The following GPR55 variants were observed in gnomAD, a reference collection of about 807,000 sequenced individuals.
GPR55 encodes G-protein coupled receptor 55.
GPR55 carries 6 observed loss-of-function variants against 7.9 expected under a neutral mutation model. That is an observed-to-expected ratio of 0.76 (90% confidence interval 0.41 to 1.49). GPR55 has a LOEUF of 1.49. GPR55 is among the 40% of genes most tolerant of loss of function. The pLI is 0.01. For synonymous variants in GPR55, 183 were observed against 166.8 expected (o/e 1.10, Z -0.75); for missense variants, 376 against 406.0 (o/e 0.93, Z 0.63).
intron 1 of GPR55, among the ~76,000 whole-genome samples, chr2:230,932,566 T>C (rs903409121): frequency 1.3e-5 from 2 of 152,332 alleles, no homozygotes; most frequent in African/African-American, 4.8e-5. Context: ...AATGTTTATA[T>C]GATAAAGGTA....
At chr2:230,911,231 A>C in intron 1 of GPR55, 135 bp from the exon 2 acceptor site, 1 of 456,840 alleles carries the variant, frequency 2.2e-6, no homozygotes, top group East Asian at 3.6e-5. Context: ...TGACAAATAT[A>C]GAACCTGCTG....
In GPR55 at chr2:230,925,195, G is replaced by A. The variant is rs1232879028; in HGVS notation, c.-162C>T. 1 of 152,684 alleles carries A rather than the reference G, an allele frequency of 6.5e-6. No homozygotes were observed. The highest frequency in any genetic ancestry group is 1.5e-5 in the Non-Finnish European group (1 of 68,100). 9.5% of individuals were successfully genotyped at this position (152,684 alleles called of 1,614,324 possible). ...GTTGGTGGTCCGGTGCAGCTGAGAG[G>A]GCTGAGAGATGTCATTTCTCCTCCA... On this transcript the variant is annotated 5_prime_UTR_variant, in exon 1 of 2. Transcript: ENST00000650999.
intron 1 of GPR55, among the ~76,000 whole-genome samples, chr2:230,939,741 G>A (rs760234089): frequency 1.2e-4 from 19 of 152,270 alleles, no homozygotes; most frequent in Middle Eastern, 6.8e-3. Flanking sequence ...CAAGGAGCCC[G>A]GGTAGAACCA....
intron 1 of GPR55, among the ~76,000 whole-genome samples, chr2:230,922,127 G>A (rs919457266): frequency 9.2e-5 from 14 of 152,210 alleles, no homozygotes; most frequent in Non-Finnish European, 1.8e-4. Context: ...GCACACAGCC[G>A]TGTCTTACTG....
rs1172372463 is a variant in GPR55, at chr2:230,910,550, A to G, written c.413T>C (p.Ile138Thr). Residue 138 changes from isoleucine to threonine, a missense_variant, in exon 2 of 2, where the codon ATC becomes ACC. Coordinates refer to ENST00000650999, the MANE Select transcript of GPR55 (RefSeq NM_005683.4). The surrounding 1 kb of genome is among the most constrained non-coding windows in gnomAD (Gnocchi z 5.4). ...CCAGATGGTGCAGCAGATCCCAAAG[A>G]TCTTCCTGGGGGACCGGAGGTGGCT... ...LVSHLRSPRKIFGICCTIWVL... is the reference protein window; with the variant it reads ...LVSHLRSPRKTFGICCTIWVL... 3 of 1,613,886 alleles carry G rather than the reference A, an allele frequency of 1.9e-6. No homozygotes were observed. Among genetic ancestry groups the G allele is most frequent in the Non-Finnish European group, 2.5e-6 (3 of 1,179,898 alleles).
intron 1 of GPR55, among the ~76,000 whole-genome samples, chr2:230,940,241 G>A (rs1691204677): frequency 1.3e-5 from 2 of 152,110 alleles, no homozygotes; most frequent in African/African-American, 4.8e-5. Flanking sequence ...GTCTCAGTGG[G>A]GGCGGCGCTT....
At chr2:230,932,634 C>T (rs1258717139) in intron 1 of GPR55, among the ~76,000 whole-genome samples, 2 of 152,174 alleles carry the variant, frequency 1.3e-5, no homozygotes, top group African/African-American at 4.8e-5. Flanking sequence ...ACGTGGGGCT[C>T]GAAACTGGCC....
intron 1 of GPR55, among the ~76,000 whole-genome samples, chr2:230,940,558 G>C (rs1691210010): frequency 6.6e-6 from 1 of 152,196 alleles, no homozygotes; most frequent in Admixed American, 6.5e-5. Context: ...GCTTAGGGAG[G>C]AGCCAGTCCA....
At chr2:230,916,217 G>GAAA (rs1053229361) in intron 1 of GPR55, among the ~76,000 whole-genome samples, 1 of 151,088 alleles carries the variant, frequency 6.6e-6, no homozygotes, top group Non-Finnish European at 1.5e-5. Context: ...CTCCAAAAAA[G>GAAA]AAAAAAAAAT....
intron 1 of GPR55, among the ~76,000 whole-genome samples, chr2:230,948,678 C>T (rs887059525): frequency 5.3e-5 from 8 of 152,236 alleles, no homozygotes; most frequent in African/African-American, 1.9e-4. Context: ...CCTTTTAAAC[C>T]ACATAATATT....
chr2:230,925,156 A>G lies in GPR55; in HGVS notation c.-135+12T>C, dbSNP rs1046388507. On this transcript the variant is annotated intron_variant, in intron 1 of 1. Coordinates refer to ENST00000650999, the MANE Select transcript of GPR55 (RefSeq NM_005683.4). ...GTGCCTTAGTTTCTCTAAATGGCCC[A>G]GAGGCTGTTACCTGTTGGTGGTCCG... is the stretch of plus-strand genomic sequence containing the variant. 1.3e-5 allele frequency: 2 copies of G among 152,742 alleles called. No homozygotes were observed. Among genetic ancestry groups the G allele is most frequent in the African/African-American group, 4.8e-5 (2 of 41,456 alleles). The allele number at this position is 152,742 out of a possible 1,614,324, so 9.5% of individuals were successfully genotyped here.
chr2:230,948,598 T>G (rs1691353696), intron 1 of GPR55, among the ~76,000 whole-genome samples: 1 of 152,198 alleles, frequency 6.6e-6, no homozygotes, highest in Non-Finnish European at 1.5e-5. Context: ...GAGTCAGTTA[T>G]ATAATTCGGA....
At chr2:230,933,149 G>A (rs1691075628) in intron 1 of GPR55, among the ~76,000 whole-genome samples, 1 of 65,810 alleles carries the variant, frequency 1.5e-5, no homozygotes, top group East Asian at 2.9e-4. Flanking sequence ...CCTCCTGTGG[G>A]CCTAGCCAAG....
At chr2:230,938,670 G>A (rs113151865) in intron 1 of GPR55, among the ~76,000 whole-genome samples, 4 of 152,216 alleles carry the variant, frequency 2.6e-5, no homozygotes, top group Non-Finnish European at 5.9e-5. Context: ...CTGGAGGCTG[G>A]AGCAGCGGGC....
chr2:230,923,256 G>GAGGGT lies in GPR55; in HGVS notation c.-135+1907_-135+1911dup, dbSNP rs1376429332. ...GCAACAAGAAGATCACAACCCTAAG[G>GAGGGT]AGGGTTGCAACTGAGAAGGTGGCCC... On this transcript the variant is annotated intron_variant, in intron 1 of 1. Transcript: ENST00000650999. This position sits in a 1 kb window ranked among gnomAD's most constrained non-coding sequence, Gnocchi z 4.1. Among the ~76,000 whole-genome samples the GAGGGT allele has an allele frequency of 1.3e-5, 2 of 152,174 alleles. No homozygotes were observed. Among genetic ancestry groups the GAGGGT allele is most frequent in the Non-Finnish European group, 2.9e-5 (2 of 68,040 alleles).
intron 1 of GPR55, among the ~76,000 whole-genome samples, chr2:230,952,563 C>T (rs957387088): frequency 3.3e-5 from 5 of 152,234 alleles, no homozygotes; most frequent in African/African-American, 1.2e-4. Context: ...CATGGTGCCG[C>T]TTGTCAGTTA....
At chr2:230,954,062 G>A (rs925723639) in intron 1 of GPR55, among the ~76,000 whole-genome samples, 4 of 152,354 alleles carry the variant, frequency 2.6e-5, no homozygotes, top group Non-Finnish European at 5.9e-5. Context: ...TCTGATCAAC[G>A]GACCTTGTCT....
chr2:230,910,281 T>C lies in GPR55; in HGVS notation c.682A>G (p.Ile228Val). ...WVQQKACIYSIAASLAVFVVS... is the reference protein window; with the variant it reads ...WVQQKACIYSVAASLAVFVVS... ...ACGAAGACAGCCAGGCTGGCTGCGA[T>C]GCTGTAGATGCAGGCTTTCTGCTGC... Residue 228 changes from isoleucine (I) to valine (V), a missense_variant, in exon 2 of 2, where the codon ATC (isoleucine) becomes GTC (valine). Coordinates refer to ENST00000650999, the MANE Select transcript of GPR55 (RefSeq NM_005683.4). The surrounding 1 kb of genome is among the most constrained non-coding windows in gnomAD (Gnocchi z 5.4). 1.2e-6 allele frequency: 2 copies of C among 1,613,844 alleles called. No homozygotes were observed. The highest frequency in any genetic ancestry group is 8.5e-7 in the Non-Finnish European group (1 of 1,179,950).
At chr2:230,941,516 C>A (rs114444252) in intron 1 of GPR55, among the ~76,000 whole-genome samples, 2,014 of 152,320 alleles carry the variant, frequency 0.013, 43 homozygotes, top group African/African-American at 0.045. Flanking sequence ...CCACTTCCCA[C>A]ACTCGGTCTC....
Sources: allele counts gnomAD v4.1 joint callset (sites outside exome capture counted in the v4.1 genomes callset), GRCh38; gene constraint gnomAD v4.1.1; non-coding constraint Gnocchi (gnomAD v3.1); transcripts MANE v1.5; gene names NCBI Gene and HGNC (gene_info 2026-07-23, HGNC 2026-07-21).